Variants in LIPI observed in about 807,000 individuals in gnomAD.
LIPI encodes lipase member I.
LIPI carries 59 observed loss-of-function variants against 50.6 expected under a neutral mutation model. The observed-to-expected ratio is 1.16, with a 90% CI of 0.94 to 1.45. The LOEUF is 1.45. Ranked by LOEUF, LIPI falls within the 40% of genes most tolerant of loss-of-function variation. The pLI, the probability that LIPI is intolerant of heterozygous loss-of-function variation, is 0.00. For missense variants in LIPI, 586 were observed against 536.3 expected (o/e 1.09, Z -0.92); for synonymous variants, 203 against 178.2 (o/e 1.14, Z -1.11).
intron 2 of LIPI, among the ~76,000 whole-genome samples, chr21:14,186,613 TG>T (rs1489548998): frequency 5.9e-5 from 9 of 152,228 alleles, no homozygotes; most frequent in Admixed American, 5.9e-4. Context: ...CAAGCTGCTG[TG>T]GTCTGAATGT....
intron 4 of LIPI, among the ~76,000 whole-genome samples, chr21:14,169,186 A>C (rs925113023): frequency 6.6e-6 from 1 of 152,234 alleles, no homozygotes; most frequent in African/African-American, 2.4e-5. Flanking sequence ...ATATGCACCC[A>C]ATACAGGAGC....
chr21:14,140,694 C>T (rs2017674522), intron 9 of LIPI, among the ~76,000 whole-genome samples: 2 of 151,998 alleles, frequency 1.3e-5, no homozygotes, highest in South Asian at 4.2e-4. Context: ...TTTATTCCAG[C>T]ATCATTTTCT....
chr21:14,142,630 G>A (rs1431117556), intron 9 of LIPI, among the ~76,000 whole-genome samples: 1 of 151,066 alleles, frequency 6.6e-6, no homozygotes, highest in Non-Finnish European at 1.5e-5. Context: ...CTACAGGCAC[G>A]CACCATCATG....
At chr21:14,129,201 A>C (rs2822426) in intron 9 of LIPI, among the ~76,000 whole-genome samples, 49,832 of 151,848 alleles carry the variant, frequency 0.33, 8,288 homozygotes, top group East Asian at 0.45. Flanking sequence ...CAATCAGGGA[A>C]GGGAAGAAAA....
At chr21:14,184,932 C>G (rs1413868142) in intron 3 of LIPI, among the ~76,000 whole-genome samples, 1 of 152,138 alleles carries the variant, frequency 6.6e-6, no homozygotes, top group Admixed American at 6.6e-5. Flanking sequence ...AGATAACTAT[C>G]TATATGTTAT....
chr21:14,144,865 A>C, intron 8 of LIPI, 66 bp from the exon 9 acceptor site: 1 of 1,152,968 alleles, frequency 8.7e-7, no homozygotes, highest in Non-Finnish European at 1.3e-6. Context: ...TCTAAAATCA[A>C]TATAATCCTA....
intron 1 of LIPI, among the ~76,000 whole-genome samples, chr21:14,201,746 A>G (rs1253989038): frequency 6.6e-6 from 1 of 152,138 alleles, no homozygotes; most frequent in Non-Finnish European, 1.5e-5. Flanking sequence ...GTGGGCAAAA[A>G]CTGGAAGCAT....
intron 7 of LIPI, among the ~76,000 whole-genome samples, chr21:14,158,556 G>A (rs899576139): frequency 6.7e-6 from 1 of 149,486 alleles, no homozygotes; most frequent in Admixed American, 6.7e-5. Context: ...CCCAAATAGA[G>A]TAGAAGAAAA....
chr21:14,188,472 G>A (rs914686468), intron 2 of LIPI, among the ~76,000 whole-genome samples: 1 of 149,034 alleles, frequency 6.7e-6, no homozygotes, highest in Non-Finnish European at 1.5e-5. Context: ...GGTGGCTGAT[G>A]CAGGAGTATC....
chr21:14,116,400 C>T (rs2016640498), intron 9 of LIPI, among the ~76,000 whole-genome samples: 1 of 152,100 alleles, frequency 6.6e-6, no homozygotes. Context: ...GCACCCAAAC[C>T]TCCTGTAATA....
intron 1 of LIPI, among the ~76,000 whole-genome samples, chr21:14,194,894 C>A (rs1282621451): frequency 1.3e-5 from 2 of 152,158 alleles, no homozygotes; most frequent in African/African-American, 4.8e-5. Flanking sequence ...GATATCTCAT[C>A]CCAGATTTGC....
At chr21:14,122,365 T>G (rs182054741) in intron 9 of LIPI, among the ~76,000 whole-genome samples, 116 of 152,284 alleles carry the variant, frequency 7.6e-4, no homozygotes, top group African/African-American at 2.5e-3. Context: ...CAACTTTTGG[T>G]TTGAAATTCA....
intron 4 of LIPI, among the ~76,000 whole-genome samples, chr21:14,174,028 C>T (rs935366127): frequency 6.6e-6 from 1 of 152,156 alleles, no homozygotes; most frequent in Non-Finnish European, 1.5e-5. Flanking sequence ...TTAACAGGGT[C>T]AGAGATTTGT....
At chr21:14,170,727 A>G (rs1473296298) in intron 4 of LIPI, among the ~76,000 whole-genome samples, 1 of 151,644 alleles carries the variant, frequency 6.6e-6, no homozygotes, top group Non-Finnish European at 1.5e-5. Flanking sequence ...AAATAATAAC[A>G]GCTATCTATG....
chr21:14,194,933 G>A (rs1198501402), intron 1 of LIPI, among the ~76,000 whole-genome samples: 1 of 152,054 alleles, frequency 6.6e-6, no homozygotes, highest in Non-Finnish European at 1.5e-5. Flanking sequence ...CAGAACAGTG[G>A]ATAAACTATA....
At chr21:14,134,461 C>T (rs187983398) in intron 9 of LIPI, among the ~76,000 whole-genome samples, 116 of 152,182 alleles carry the variant, frequency 7.6e-4, no homozygotes, top group African/African-American at 2.5e-3. Context: ...CGTATGGAAT[C>T]AGAAGAGAGC....
At chr21:14,118,460 A>G (rs765983986) in intron 9 of LIPI, among the ~76,000 whole-genome samples, 1 of 152,212 alleles carries the variant, frequency 6.6e-6, no homozygotes, top group Non-Finnish European at 1.5e-5. Context: ...GTAAGTTCTT[A>G]TATTTGCCAA....
At chr21:14,142,805 G>C (rs1656344906) in intron 9 of LIPI, among the ~76,000 whole-genome samples, 2 of 151,526 alleles carry the variant, frequency 1.3e-5, no homozygotes, top group South Asian at 2.1e-4. Flanking sequence ...TTATAATTTA[G>C]ATTTTATATT....
chr21:14,201,368 G>C (rs1267319751), intron 1 of LIPI, among the ~76,000 whole-genome samples: 1 of 151,910 alleles, frequency 6.6e-6, no homozygotes, highest in African/African-American at 2.4e-5. Flanking sequence ...TCCAACAAAG[G>C]TCTAATATCC....
Sources: allele counts gnomAD v4.1 joint callset (sites outside exome capture counted in the v4.1 genomes callset), GRCh38; gene constraint gnomAD v4.1.1; transcripts MANE v1.5; gene names NCBI Gene and HGNC (gene_info 2026-07-23, HGNC 2026-07-21).